ADGRV1: variants seen among roughly 807,000 people sequenced by gnomAD.
ADGRV1 encodes adhesion G protein-coupled receptor V1.
ADGRV1 carries 359 observed loss-of-function variants against 596.2 expected under a neutral mutation model. The observed-to-expected ratio is 0.60, with a 90% CI of 0.55 to 0.66. The LOEUF (loss-of-function observed/expected upper bound fraction) is 0.66. ADGRV1 is among the 30% of genes least tolerant of loss of function. ADGRV1 has a pLI of 0.00. For synonymous variants in ADGRV1, 2,681 were observed against 2,679.2 expected, an observed-to-expected ratio of 1.00 and a Z score of -0.02; for missense variants, 7,274 against 7,575.6, an observed-to-expected ratio of 0.96 and a Z score of 1.48.
intron 54 of ADGRV1, among the ~76,000 whole-genome samples, chr5:90,754,675 T>C (rs1242608757): frequency 6.6e-6 from 1 of 152,158 alleles, no homozygotes; most frequent in Non-Finnish European, 1.5e-5. Flanking sequence ...TGTACTTCCC[T>C]AAGACTTTGC....
chr5:90,702,829 C>CCTTGCATAATAATA (rs1748082316), intron 34 of ADGRV1, among the ~76,000 whole-genome samples: 2 of 151,910 alleles, frequency 1.3e-5, no homozygotes, highest in Non-Finnish European at 2.9e-5. Context: ...TTTTAAACAT[C>CCTTGCATAATAATA]ATTCTATCCT....
chr5:90,996,120 A>G (rs907497329), intron 85 of ADGRV1, among the ~76,000 whole-genome samples: 10 of 152,216 alleles, frequency 6.6e-5, no homozygotes, highest in Admixed American at 2.0e-4. Context: ...AACTGCAGAA[A>G]ATTGCATAAG....
At position 90,716,584 on chromosome 5, in the gene ADGRV1, T is replaced by C. The variant is rs922642391; in HGVS notation, c.9302T>C (p.Leu3101Ser). Reference sequence around the variant, plus strand: ...TACGTCCAGGAGAGTGTTGCAGTATTGTACATTGTTCGGGAACCTGCACAA... The same window carrying C: ...TACGTCCAGGAGAGTGTTGCAGTATCGTACATTGTTCGGGAACCTGCACAA... ...ALYVQESVAV[L>S]YIVREPAQGL... Residue 3101 changes from leucine (L) to serine (S), a missense_variant, in exon 43 of 90, where the codon TTG becomes TCG. Physicochemically the swap from Leu to Ser is moderately radical, Grantham distance 145. Around this residue, in one of 5 missense-constraint regions of ADGRV1, gnomAD observed 3,643 missense variants for 3,809.2 expected, o/e 0.96. Coordinates refer to ENST00000405460, the MANE Select transcript of ADGRV1 (RefSeq NM_032119.4). The C allele has an allele frequency of 3.1e-6, 5 of 1,613,920 alleles. No individual in the cohort carries two copies. Among genetic ancestry groups the C allele is most frequent in the Non-Finnish European group, 4.2e-6 (5 of 1,179,836 alleles).
intron 77 of ADGRV1, among the ~76,000 whole-genome samples, chr5:90,833,435 C>T (rs184668863): frequency 6.6e-6 from 1 of 152,196 alleles, no homozygotes; most frequent in Non-Finnish European, 1.5e-5. Context: ...CAAGTGCACA[C>T]CACCACACCT....
intron 85 of ADGRV1, among the ~76,000 whole-genome samples, chr5:91,009,344 A>G (rs1214583404): frequency 6.6e-6 from 1 of 152,148 alleles, no homozygotes; most frequent in Non-Finnish European, 1.5e-5. Flanking sequence ...CATTATTGCA[A>G]TTCTGCCACA....
intron 83 of ADGRV1, among the ~76,000 whole-genome samples, chr5:90,938,127 G>A (rs866388149): frequency 6.6e-6 from 1 of 151,926 alleles, no homozygotes; most frequent in Non-Finnish European, 1.5e-5. Context: ...ATTTAGAGTG[G>A]ACTTTCCTGC....
intron 70 of ADGRV1, among the ~76,000 whole-genome samples, chr5:90,799,093 A>G (rs1429533849): frequency 6.6e-6 from 1 of 152,190 alleles, no homozygotes; most frequent in Admixed American, 6.5e-5. Flanking sequence ...CAGACAAAAG[A>G]AAGGAGTAAA....
chr5:90,635,010 T>A (rs1580532894), intron 9 of ADGRV1, 104 bp from the exon 10 acceptor site: 3 of 647,774 alleles, frequency 4.6e-6, no homozygotes, highest in Non-Finnish European at 7.9e-6. Context: ...AAGTTATTGG[T>A]GACCTCTACC....
chr5:90,657,770 T>C (rs2149479557), intron 20 of ADGRV1, 135 bp from the exon 21 acceptor site: 2 of 736,400 alleles, frequency 2.7e-6, no homozygotes, highest in Admixed American at 3.2e-5. Flanking sequence ...CAATTCATTG[T>C]ATACTAGTTA....
At chr5:90,736,015 A>G (rs1753178906) in intron 50 of ADGRV1, among the ~76,000 whole-genome samples, 1 of 152,146 alleles carries the variant, frequency 6.6e-6, no homozygotes, top group Non-Finnish European at 1.5e-5. Flanking sequence ...AACGATGTTG[A>G]AAGGAAGTGA....
chr5:90,723,710 A>T (rs887097511), intron 45 of ADGRV1, among the ~76,000 whole-genome samples: 2 of 152,202 alleles, frequency 1.3e-5, no homozygotes, highest in Middle Eastern at 3.2e-3. Flanking sequence ...AGGCATTGAC[A>T]AATTCTCTTG....
intron 83 of ADGRV1, among the ~76,000 whole-genome samples, chr5:90,948,454 A>G (rs1226984407): frequency 6.6e-6 from 1 of 152,142 alleles, no homozygotes; most frequent in Non-Finnish European, 1.5e-5. Flanking sequence ...ATTAAGAAGA[A>G]CAAACAGTGG....
intron 10 of ADGRV1, among the ~76,000 whole-genome samples, chr5:90,635,643 A>G (rs1414798198): frequency 6.6e-6 from 1 of 150,766 alleles, no homozygotes; most frequent in African/African-American, 2.4e-5. Context: ...CCCAGGCTGG[A>G]GTGCAGTGGC....
At chr5:90,864,515 T>A (rs1432471137) in intron 83 of ADGRV1, among the ~76,000 whole-genome samples, 4 of 152,148 alleles carry the variant, frequency 2.6e-5, no homozygotes, top group African/African-American at 4.8e-5. Flanking sequence ...CATAGACCAT[T>A]TGCAAACTAC....
At chr5:90,770,791 T>C (rs913675169) in intron 59 of ADGRV1, among the ~76,000 whole-genome samples, 17 of 152,340 alleles carry the variant, frequency 1.1e-4, no homozygotes, top group African/African-American at 3.8e-4. Flanking sequence ...CTGAATCTTA[T>C]ATTCCTACTT....
intron 83 of ADGRV1, among the ~76,000 whole-genome samples, chr5:90,880,765 C>G (rs74881874): frequency 0.011 from 1,621 of 152,286 alleles, 32 homozygotes; most frequent in African/African-American, 0.037. Flanking sequence ...TAGCAGCAAC[C>G]ATTCCAATAT....
chr5:91,086,846 A>G (rs1241849133), intron 86 of ADGRV1, among the ~76,000 whole-genome samples: 1 of 152,162 alleles, frequency 6.6e-6, no homozygotes, highest in Admixed American at 6.5e-5. Flanking sequence ...CTATGTGAAT[A>G]TGCCACACCT....
At chr5:90,961,360 G>A (rs1777995644) in intron 83 of ADGRV1, among the ~76,000 whole-genome samples, 1 of 151,700 alleles carries the variant, frequency 6.6e-6, no homozygotes, top group African/African-American at 2.4e-5. Flanking sequence ...ATGGTGGCAC[G>A]CCCTGTAGTT....
chr5:91,107,364 AG>A (rs1221155895), intron 87 of ADGRV1, among the ~76,000 whole-genome samples: 1 of 152,222 alleles, frequency 6.6e-6, no homozygotes, highest in Non-Finnish European at 1.5e-5. Context: ...TGGACGAGGC[AG>A]GAAGAACAGA....
Sources: allele counts gnomAD v4.1 joint callset (sites outside exome capture counted in the v4.1 genomes callset), GRCh38; gene constraint gnomAD v4.1.1; regional missense constraint gnomAD v4.1.1; transcripts MANE v1.5; gene names NCBI Gene and HGNC (gene_info 2026-07-23, HGNC 2026-07-21).